CEACAM7: variants seen among roughly 807,000 people sequenced by gnomAD.
CEACAM7 encodes cell adhesion molecule CEACAM7.
CEACAM7 carries 24 observed loss-of-function variants against 25.7 expected under a neutral mutation model. The ratio of observed to expected loss-of-function variants is 0.93; its 90% CI spans 0.68 to 1.31. CEACAM7 has a LOEUF of 1.31. CEACAM7 is among the 40% of genes most tolerant of loss of function. The probability of loss-of-function intolerance (pLI) is 0.00; values close to 1 mark genes in which losing one functional copy is unlikely to be tolerated. For missense variants in CEACAM7, 324 were observed against 330.1 expected (o/e 0.98, Z 0.14); for synonymous variants, 144 against 129.4 (o/e 1.11, Z -0.77).
chr19:41,680,758 T>C (rs1555810598), intron 3 of CEACAM7, among the ~76,000 whole-genome samples: 1 of 152,084 alleles, frequency 6.6e-6, no homozygotes, highest in Non-Finnish European at 1.5e-5. Context: ...TAACACCATA[T>C]AAAAATTAAC....
chr19:41,678,084 G>A (rs2072134168), intron 3 of CEACAM7, among the ~76,000 whole-genome samples: 1 of 151,986 alleles, frequency 6.6e-6, no homozygotes, highest in African/African-American at 2.4e-5. Context: ...TCTGCATCAT[G>A]ATCTGAGGGC....
intron 3 of CEACAM7, among the ~76,000 whole-genome samples, chr19:41,683,077 C>A (rs1262357975): frequency 6.6e-6 from 1 of 152,200 alleles, no homozygotes. Context: ...GTTTTTTCAG[C>A]TCTTCCTTAA....
chr19:41,675,311 G>A (rs187521215), intron 4 of CEACAM7, among the ~76,000 whole-genome samples: 653 of 152,282 alleles, frequency 4.3e-3, no homozygotes, highest in Non-Finnish European at 7.4e-3. Flanking sequence ...TTGTTCACAA[G>A]TTGTATTTTA....
chr19:41,683,768 G>A lies in CEACAM7; in HGVS notation c.706+17C>T, dbSNP rs1555810892. The A allele has an allele frequency of 6.8e-6, 11 of 1,613,460 alleles. No individual in the cohort carries two copies. Among genetic ancestry groups the A allele is most frequent in the Non-Finnish European group, 9.3e-6 (11 of 1,179,466 alleles). ...TGGGCTGTCAGCCTGGGCCACAGAG[G>A]AACAGAAGATACTCACAGCGGACAT... On this transcript the variant is annotated intron_variant, in intron 3 of 4. Transcript: ENST00000401731.
chr19:41,682,709 G>A (rs1555810787), intron 3 of CEACAM7, among the ~76,000 whole-genome samples: 2 of 152,224 alleles, frequency 1.3e-5, no homozygotes. Context: ...CTCCTCCCTC[G>A]TCCAAGGGGT....
At chr19:41,676,829 C>A (rs961102126) in intron 4 of CEACAM7, among the ~76,000 whole-genome samples, 2 of 151,914 alleles carry the variant, frequency 1.3e-5, no homozygotes, top group Non-Finnish European at 2.9e-5. Flanking sequence ...GGTGGAAGGG[C>A]AGGATGTATA....
At position 41,683,599 on chromosome 19, in the gene CEACAM7, T is replaced by C. The variant is rs116289559; in HGVS notation, c.706+186A>G. Among the ~76,000 whole-genome samples, 626 of 152,304 alleles carry C rather than the reference T, an allele frequency of 4.1e-3. 7 individuals carry two copies. Among genetic ancestry groups the C allele is most frequent in the African/African-American group, 0.014 (596 of 41,570 alleles). On this transcript the variant is annotated intron_variant, in intron 3 of 4. Coordinates refer to ENST00000401731, the MANE Select transcript of CEACAM7 (RefSeq NM_001291485.2). ...AGCCTCCCAGGACAGGAGCAGCCCC[T>C]CCTCTCATATTCTTGGTCAAGGCTG...
chr19:41,674,568 C>T lies in CEACAM7; in HGVS notation c.*208G>A, dbSNP rs2072095460. ...GAGTGTCTCTAGTTATGGTGTTGAA[C>T]ATTTTGGTTAGCTCTGAGTGGCCCA... is the stretch of plus-strand genomic sequence containing the variant. On this transcript the variant is annotated 3_prime_UTR_variant, in exon 5 of 5. Transcript: ENST00000401731. 3.9e-6 allele frequency: 1 copy of T among 255,602 alleles called. No individual in the cohort carries two copies. 15.8% of individuals were successfully genotyped at this position (255,602 alleles called of 1,614,324 possible). A position where few individuals can be genotyped will look rare whatever the true frequency, so the allele number is the denominator to read the frequency against.
At chr19:41,687,702 G>C (rs543723761) in intron 1 of CEACAM7, among the ~76,000 whole-genome samples, 5 of 152,360 alleles carry the variant, frequency 3.3e-5, no homozygotes, top group Non-Finnish European at 4.4e-5. Flanking sequence ...CAGGCTGCAG[G>C]CTCCAGTAGA....
chr19:41,677,605 C>T (rs782015828), intron 3 of CEACAM7, 102 bp from the exon 4 acceptor site: 4 of 744,706 alleles, frequency 5.4e-6, no homozygotes, highest in Non-Finnish European at 9.2e-6. Context: ...TTTGTTCCTT[C>T]AAGGAATACA....
chr19:41,679,439 A>C (rs2072149675), intron 3 of CEACAM7, among the ~76,000 whole-genome samples: 1 of 152,204 alleles, frequency 6.6e-6, no homozygotes, highest in South Asian at 2.1e-4. Context: ...TAATAAAGGC[A>C]TTATCTGAAA....
In CEACAM7 at chr19:41,683,791, C is replaced by T; in HGVS notation, c.700G>A (p.Val234Ile). ...ASRSDPVTLN[V>I]RYESVQASSP... is the part of the protein sequence containing the mutation. The stretch of plus-strand genomic sequence containing the variant: ...AGGAACAGAAGATACTCACAGCGGA[C>T]ATTCAGGGTGACTGGGTCACTGCGG... Residue 234 changes from valine (V) to isoleucine (I), a missense_variant, in exon 3 of 5, where the codon GTC becomes ATC. Transcript: ENST00000401731. 1 of 1,614,092 alleles carries T rather than the reference C, an allele frequency of 6.2e-7. No individual in the cohort carries two copies. Among genetic ancestry groups the T allele is most frequent in the South Asian group, 1.1e-5 (1 of 91,078 alleles).
At chr19:41,676,940 G>A (rs916766031) in intron 4 of CEACAM7, among the ~76,000 whole-genome samples, 1 of 152,078 alleles carries the variant, frequency 6.6e-6, no homozygotes. Context: ...TTATCTAATG[G>A]GCTAGAGTAG....
intron 3 of CEACAM7, among the ~76,000 whole-genome samples, chr19:41,679,843 C>T (rs1266192218): frequency 8.2e-6 from 1 of 121,964 alleles, no homozygotes; most frequent in Non-Finnish European, 1.7e-5. Flanking sequence ...ATTTTATTGC[C>T]CAAGCTGAAG....
At position 41,687,215 on chromosome 19, in the gene CEACAM7, A is replaced by AG; in HGVS notation, c.70dup (p.Leu24ProfsTer16). The AG allele has an allele frequency of 6.3e-7, 1 of 1,598,130 alleles. No homozygotes were observed. The highest frequency in any genetic ancestry group is 8.5e-7 in the Non-Finnish European group (1 of 1,171,318). ...GTTTGGCAGGTTCCAGAAGGTTAAAAGCGAGGCTAGGAGGGGGAGAGAACA... is the reference window on the plus strand; with the variant it reads ...GTTTGGCAGGTTCCAGAAGGTTAAAAGGCGAGGCTAGGAGGGGGAGAGAACA... On this transcript the variant is annotated frameshift_variant, in exon 2 of 5. Transcript: ENST00000401731. LOFTEE classifies it high-confidence loss of function.
At chr19:41,679,651 C>T (rs1358247769) in intron 3 of CEACAM7, among the ~76,000 whole-genome samples, 1 of 152,096 alleles carries the variant, frequency 6.6e-6, no homozygotes, top group Non-Finnish European at 1.5e-5. Flanking sequence ...CAGGAACTTA[C>T]ATGTAGAAAA....
chr19:41,677,632 G>T (rs1555810274), intron 3 of CEACAM7, 129 bp from the exon 4 acceptor site: 2 of 602,190 alleles, frequency 3.3e-6, no homozygotes. Flanking sequence ...TTGTGGGAAG[G>T]TTGCTGGGAG....
intron 3 of CEACAM7, among the ~76,000 whole-genome samples, chr19:41,680,188 C>T (rs1356386314): frequency 6.6e-6 from 1 of 151,622 alleles, no homozygotes; most frequent in Non-Finnish European, 1.5e-5. Context: ...AAAATTGATT[C>T]ACATTATCAT....
chr19:41,677,469 T>C lies in CEACAM7; in HGVS notation c.741A>G (p.Ser247=). The C allele has an allele frequency of 6.2e-7, 1 of 1,614,090 alleles. No homozygotes were observed. The highest frequency in any genetic ancestry group is 1.3e-5 in the African/African-American group (1 of 75,052). ...TCATGATGCTGACAGCGGTCCCAGC[T>C]GAGAGGTCAGGTGAACTTGCTTGTA... ...ESVQASSPDL[S]AGTAVSIMIG... The change falls in exon 4 of 5, where the codon TCA becomes TCG. Residue 247 remains serine, a synonymous_variant. Transcript: ENST00000401731.
Sources: allele counts gnomAD v4.1 joint callset (sites outside exome capture counted in the v4.1 genomes callset), GRCh38; gene constraint gnomAD v4.1.1; transcripts MANE v1.5; gene names NCBI Gene and HGNC (gene_info 2026-07-23, HGNC 2026-07-21).